The following P2RY12 variants were observed in gnomAD, a reference collection of about 807,000 sequenced individuals.
P2RY12 encodes the protein P2Y purinoceptor 12.
A neutral mutation model predicts 4.5 loss-of-function variants in P2RY12; 3 were observed. That is an observed-to-expected ratio of 0.67 (90% CI 0.31 to 1.74). The LOEUF (loss-of-function observed/expected upper bound fraction) is 1.74. Among genes scored for constraint, P2RY12 ranks in the 40% most tolerant of loss-of-function variants. The pLI, the probability that P2RY12 is intolerant of heterozygous loss-of-function variation, is 0.09. For missense variants in P2RY12, 356 were observed against 407.8 expected, an observed-to-expected ratio of 0.87 and a Z score of 1.09; for synonymous variants, 148 against 154.1, an observed-to-expected ratio of 0.96 and a Z score of 0.29.
rs981501271 is a variant in P2RY12, at chr3:151,337,758, G to A, written c.*59C>T. On this transcript the variant is annotated 3_prime_UTR_variant, in exon 3 of 3. Coordinates refer to ENST00000302632, the MANE Select transcript of P2RY12 (RefSeq NM_022788.5). ...TCGTCAGTTAATATTTTTACTTAGC[G>A]CTTTGCTTTAACGAGTTCTGAACAC... The A allele has an allele frequency of 2.6e-5, 40 of 1,517,968 alleles. 1 individual carries two copies. The South Asian group carries it at 3.0e-4, about 11-fold the overall frequency. 94.0% of individuals were successfully genotyped at this position (1,517,968 alleles called of 1,614,324 possible). A position where few individuals can be genotyped will look rare whatever the true frequency, so the allele number is the denominator to read the frequency against.
intron 1 of P2RY12, among the ~76,000 whole-genome samples, chr3:151,370,603 C>A (rs1756055991): frequency 1.3e-5 from 2 of 152,138 alleles, no homozygotes; most frequent in South Asian, 4.1e-4. Flanking sequence ...ATACAGCCAA[C>A]ATTAAGTGCT....
chr3:151,357,532 G>T (rs922999832), intron 1 of P2RY12, among the ~76,000 whole-genome samples: 8 of 152,116 alleles, frequency 5.3e-5, no homozygotes, highest in African/African-American at 1.9e-4. Flanking sequence ...CGATCAAAAA[G>T]GTCTAAGCAT....
At chr3:151,351,778 G>C (rs1020452744) in intron 1 of P2RY12, among the ~76,000 whole-genome samples, 3 of 152,118 alleles carry the variant, frequency 2.0e-5, no homozygotes, top group African/African-American at 7.2e-5. Context: ...CTTTTTAGAA[G>C]GCTTGAGGGG....
intron 1 of P2RY12, chr3:151,375,890 C>CT: frequency 2.0e-6 from 1 of 501,748 alleles, no homozygotes; most frequent in Admixed American, 4.3e-5. Flanking sequence ...TTTCTACCTA[C>CT]TTTTTAATGT....
chr3:151,355,467 C>T (rs545585778), intron 1 of P2RY12, among the ~76,000 whole-genome samples: 1 of 152,084 alleles, frequency 6.6e-6, no homozygotes, highest in African/African-American at 2.4e-5. Flanking sequence ...TAATCGGTGA[C>T]ATATAAAGTA....
At chr3:151,360,405 A>T (rs1276235400) in intron 1 of P2RY12, 2 of 1,433,108 alleles carry the variant, frequency 1.4e-6, no homozygotes, top group East Asian at 4.6e-5. Flanking sequence ...TTTTCATTCT[A>T]AAAGAGTCAA....
intron 1 of P2RY12, among the ~76,000 whole-genome samples, chr3:151,379,339 G>A (rs1711812984): frequency 6.6e-6 from 1 of 152,194 alleles, no homozygotes; most frequent in Non-Finnish European, 1.5e-5. Context: ...AATGCTGATT[G>A]AAATATTTTG....
At chr3:151,339,542 A>G (rs942343321) in intron 2 of P2RY12, among the ~76,000 whole-genome samples, 1 of 152,080 alleles carries the variant, frequency 6.6e-6, no homozygotes, top group Non-Finnish European at 1.5e-5. Flanking sequence ...TCTGCTTCAA[A>G]TATTTTAACC....
intron 1 of P2RY12, among the ~76,000 whole-genome samples, chr3:151,380,554 G>A (rs943010344): frequency 7.4e-5 from 11 of 148,730 alleles, no homozygotes; most frequent in South Asian, 2.1e-4. Context: ...CTGAGATCGC[G>A]CCATTGCACA....
intron 1 of P2RY12, chr3:151,375,930 T>C (rs1334875012): frequency 3.1e-6 from 2 of 644,994 alleles, no homozygotes; most frequent in East Asian, 6.6e-5. Flanking sequence ...TTCCTATCAG[T>C]TTTCTATTCA....
At chr3:151,382,858 A>G in intron 1 of P2RY12, 1 of 733,128 alleles carries the variant, frequency 1.4e-6, no homozygotes, top group Admixed American at 2.9e-5. Flanking sequence ...GAGGCCTTCC[A>G]CTCTTTGCTC....
intron 1 of P2RY12, among the ~76,000 whole-genome samples, chr3:151,382,194 A>G (rs992524426): frequency 6.6e-6 from 1 of 152,186 alleles, no homozygotes; most frequent in Admixed American, 6.5e-5. Context: ...TCTCTTTATC[A>G]AGGAAGACAC....
chr3:151,363,190 G>A (rs1754835628), intron 1 of P2RY12, among the ~76,000 whole-genome samples: 1 of 152,092 alleles, frequency 6.6e-6, no homozygotes, highest in African/African-American at 2.4e-5. Context: ...GATTGGCACT[G>A]TCTAAAGTTT....
At chr3:151,341,566 C>CTT (rs56101716) in intron 1 of P2RY12, among the ~76,000 whole-genome samples, 3,743 of 148,468 alleles carry the variant, frequency 0.025, 147 homozygotes, top group African/African-American at 0.084. Context: ...GCTGCTTTAA[C>CTT]TTTTTTTTTT....
intron 1 of P2RY12, chr3:151,356,100 A>G: frequency 3.3e-6 from 5 of 1,528,526 alleles, no homozygotes; most frequent in Non-Finnish European, 4.4e-6. Context: ...GCATTGTGCA[A>G]TTTAAAGTGA....
At chr3:151,340,235 G>A (rs997060685) in intron 2 of P2RY12, among the ~76,000 whole-genome samples, 5 of 152,060 alleles carry the variant, frequency 3.3e-5, no homozygotes, top group Non-Finnish European at 7.4e-5. Flanking sequence ...TTGGAAATTC[G>A]ACTTAGTGAA....
chr3:151,338,402 G>A lies in P2RY12; in HGVS notation c.444C>T (p.Ile148=). 1.2e-6 allele frequency: 2 copies of A among 1,614,120 alleles called. No individual in the cohort carries two copies. The highest frequency in any genetic ancestry group is 1.7e-6 in the Non-Finnish European group (2 of 1,180,008). ...AAGAGAGTAAGAACATGAATGCCCA[G>A]ATGACAACAGAGAGAATCTTAGCCC... ...LLGAKILSVV[I]WAFMFLLSLP... The change falls in exon 3 of 3, where the codon ATC becomes ATT. Residue 148 remains isoleucine, a synonymous_variant. Coordinates refer to ENST00000302632, the MANE Select transcript of P2RY12 (RefSeq NM_022788.5).
intron 1 of P2RY12, among the ~76,000 whole-genome samples, chr3:151,354,140 CAAAA>C (rs63033360): frequency 6.4e-5 from 4 of 62,840 alleles, no homozygotes; most frequent in South Asian, 7.6e-4. Context: ...GACTCCGTCT[CAAAA>C]AAAAAAAAAA....
chr3:151,343,568 C>T (rs188278239), intron 1 of P2RY12, among the ~76,000 whole-genome samples: 20 of 152,254 alleles, frequency 1.3e-4, no homozygotes, highest in African/African-American at 4.8e-4. Flanking sequence ...AGTATATTTT[C>T]ATATGAATAG....
Sources: allele counts gnomAD v4.1 joint callset (sites outside exome capture counted in the v4.1 genomes callset), GRCh38; gene constraint gnomAD v4.1.1; transcripts MANE v1.5; gene names NCBI Gene and HGNC (gene_info 2026-07-23, HGNC 2026-07-21).